LRP2: variants seen among roughly 807,000 people sequenced by gnomAD.
LRP2 encodes the protein low-density lipoprotein receptor-related protein 2.
A neutral mutation model predicts 531.0 loss-of-function variants in LRP2; 172 were observed. The observed-to-expected ratio is 0.32, with a 90% CI of 0.29 to 0.37. The LOEUF is 0.37. LRP2 is among the 10% of genes least tolerant of loss of function. The pLI is 1.00. For synonymous variants in LRP2, 1,992 were observed against 2,027.6 expected, an observed-to-expected ratio of 0.98 and a Z score of 0.47; for missense variants, 5,167 against 5,868.3, an observed-to-expected ratio of 0.88 and a Z score of 3.90.
At chr2:169,142,633 G>C in intron 71 of LRP2, 41 bp downstream of exon 71, 2 of 1,611,460 alleles carry the variant, frequency 1.2e-6, no homozygotes, top group Non-Finnish European at 1.7e-6. Context: ...CAGCAGAGGA[G>C]TGCTCCCAGG....
At position 169,158,767 on chromosome 2, in the gene LRP2, C is replaced by A. The variant is rs201198365; in HGVS notation, c.11888-1265G>T. Among the ~76,000 whole-genome samples, 4 of 151,370 alleles carry A rather than the reference C, an allele frequency of 2.6e-5. No individual in the cohort carries two copies. In the East Asian group the frequency reaches 7.7e-4, roughly 29 times the overall value. ...GCAAAAAAAAGATAGCAAAAGTACA[C>A]CAAACTTTAAAGGTTAGTTCTCTTT... is the stretch of plus-strand genomic sequence containing the variant. On this transcript the variant is annotated intron_variant, in intron 63 of 78. Coordinates refer to ENST00000649046, the MANE Select transcript of LRP2 (RefSeq NM_004525.3).
chr2:169,265,606 A>G (rs567017059), intron 16 of LRP2, among the ~76,000 whole-genome samples: 1 of 152,204 alleles, frequency 6.6e-6, no homozygotes, highest in South Asian at 2.1e-4. Context: ...ATTAGACGTC[A>G]CTAGAGCAAT....
Position 169,191,985 on chromosome 2 carries a change from G to A in LRP2, c.8879C>T (p.Pro2960Leu), listed in dbSNP as rs1461997028. The A allele has an allele frequency of 1.2e-6, 2 of 1,613,964 alleles. No homozygotes were observed. Among genetic ancestry groups the A allele is most frequent in the East Asian group, 2.2e-5 (1 of 44,898 alleles). The change falls in exon 48 of 79, where the codon CCT becomes CTT. Residue 2960 changes from proline to leucine, a missense_variant. By Grantham distance (98) the Pro-to-Leu change is moderately conservative (BLOSUM62 -3). Around this residue, in one of 6 missense-constraint regions of LRP2, gnomAD observed 1,129 missense variants for 1,362.7 expected, o/e 0.83. Transcript: ENST00000649046. ...CTGGGGAATGCACCTCCTGTCCGGA[G>A]GTCTGTCATTTACACAGAGAAACTC... ...DSEFLCVNDR[P>L]PDRRCIPQSW...
At chr2:169,272,562 G>A (rs1186926890) in intron 15 of LRP2, among the ~76,000 whole-genome samples, 1 of 152,062 alleles carries the variant, frequency 6.6e-6, no homozygotes, top group African/African-American at 2.4e-5. Context: ...AACATCTAAA[G>A]TGGAAAAGGT....
At chr2:169,336,474 A>T (rs2105548383) in intron 1 of LRP2, among the ~76,000 whole-genome samples, 1 of 152,216 alleles carries the variant, frequency 6.6e-6, no homozygotes, top group South Asian at 2.1e-4. Context: ...CAGGAGGCAG[A>T]GGCTGCAGTG....
chr2:169,176,428 C>T lies in LRP2; in HGVS notation c.10554G>A (p.Leu3518=). The change falls in exon 54 of 79, where the codon CTG becomes CTA. Residue 3518 remains leucine, a synonymous_variant. Coordinates refer to ENST00000649046, the MANE Select transcript of LRP2 (RefSeq NM_004525.3). The part of the protein sequence containing the change: ...CMPMCSSTQF[L]CANNEKCIPI... ...AGCCTTACTTTTCATTGTTAGCGCA[C>T]AGGAACTGGGTGCTGGAGCACATGG... 1 of 1,614,146 alleles carries T rather than the reference C, an allele frequency of 6.2e-7. No individual in the cohort carries two copies. Among genetic ancestry groups the T allele is most frequent in the Non-Finnish European group, 8.5e-7 (1 of 1,180,032 alleles).
chr2:169,194,023 G>T (rs1687920180), intron 46 of LRP2, 131 bp from the exon 47 acceptor site: 2 of 974,842 alleles, frequency 2.1e-6, no homozygotes, highest in East Asian at 5.2e-5. Context: ...TACATCTAGG[G>T]TAGTCCTCCA....
intron 1 of LRP2, among the ~76,000 whole-genome samples, chr2:169,336,962 A>G (rs1685422336): frequency 6.6e-6 from 1 of 152,196 alleles, no homozygotes; most frequent in Admixed American, 6.5e-5. Context: ...GGGAAAAGCA[A>G]CTTAAACTTA....
At chr2:169,273,763 C>T (rs1035075753) in intron 14 of LRP2, among the ~76,000 whole-genome samples, 32 of 152,110 alleles carry the variant, frequency 2.1e-4, no homozygotes, top group African/African-American at 7.7e-4. Context: ...AAAATATTCT[C>T]TTTATCTTCT....
At chr2:169,317,963 G>C (rs1042382482) in intron 3 of LRP2, among the ~76,000 whole-genome samples, 2 of 152,098 alleles carry the variant, frequency 1.3e-5, no homozygotes, top group Non-Finnish European at 2.9e-5. Flanking sequence ...TATAGTCCCA[G>C]CTACTCAGGA....
At chr2:169,150,549 A>G (rs1574074041) in intron 68 of LRP2, among the ~76,000 whole-genome samples, 7 of 152,320 alleles carry the variant, frequency 4.6e-5, no homozygotes, top group Admixed American at 4.6e-4. Flanking sequence ...TCAATGAATG[A>G]GTTACTTTAA....
intron 24 of LRP2, 117 bp from the exon 25 acceptor site, chr2:169,241,482 A>G: frequency 9.5e-7 from 1 of 1,057,580 alleles, no homozygotes; most frequent in African/African-American, 1.5e-5. Context: ...AACAACTATG[A>G]CCAAATTAAT....
At chr2:169,274,905 G>T in intron 14 of LRP2, 131 bp downstream of exon 14, 1 of 857,742 alleles carries the variant, frequency 1.2e-6, no homozygotes, top group East Asian at 2.6e-5. Context: ...TAACACTCTG[G>T]GTAACCCTTC....
chr2:169,171,323 G>T (rs936654421), intron 58 of LRP2, among the ~76,000 whole-genome samples: 1 of 152,068 alleles, frequency 6.6e-6, no homozygotes, highest in Non-Finnish European at 1.5e-5. Flanking sequence ...CATATCATGG[G>T]TCAGTGATAT....
chr2:169,149,268 C>T (rs1686036664), intron 68 of LRP2, among the ~76,000 whole-genome samples: 1 of 152,178 alleles, frequency 6.6e-6, no homozygotes, highest in Non-Finnish European at 1.5e-5. Context: ...ATTGCTGTTG[C>T]TGGTATTATC....
chr2:169,162,991 C>T (rs894977489), intron 62 of LRP2, among the ~76,000 whole-genome samples: 2 of 152,178 alleles, frequency 1.3e-5, no homozygotes, highest in African/African-American at 2.4e-5. Context: ...ATGCTGGTTG[C>T]AACAGCTAGT....
rs377395203 is a variant in LRP2, at chr2:169,159,120, T to G, written c.11888-1618A>C. Among the ~76,000 whole-genome samples, 4 of 152,256 alleles carry G rather than the reference T, an allele frequency of 2.6e-5. 1 individual carries two copies. ...AAAAACTGGCGAAGATGAACATAGA[T>G]AGTGAGTGATAATGGGGGAAAGAGA... is the stretch of plus-strand genomic sequence containing the variant. On this transcript the variant is annotated intron_variant, in intron 63 of 78. Coordinates refer to ENST00000649046, the MANE Select transcript of LRP2 (RefSeq NM_004525.3).
chr2:169,326,697 C>T (rs1685071701), intron 1 of LRP2, among the ~76,000 whole-genome samples: 1 of 151,064 alleles, frequency 6.6e-6, no homozygotes, highest in Non-Finnish European at 1.5e-5. Flanking sequence ...ACGTGAGGAG[C>T]CCCTCTGCCT....
rs372489746 is a variant in LRP2, at chr2:169,170,945, G to A, written c.11264-278C>T. On this transcript the variant is annotated intron_variant, in intron 58 of 78. Coordinates refer to ENST00000649046, the MANE Select transcript of LRP2 (RefSeq NM_004525.3). ...TGTTTTTTTTTTTTTTTTTTTTTTT[G>A]AAACAGGATCTTTCAACATTGCCCA... Among the ~76,000 whole-genome samples the A allele has an allele frequency of 2.5e-3, 61 of 23,988 alleles. 2 individuals carry two copies. The East Asian group carries it at 0.039, about 15-fold the overall frequency. The allele number at this position is 23,988 out of a possible 152,430, so 15.7% of individuals were successfully genotyped here. A position where few individuals can be genotyped will look rare whatever the true frequency, so the allele number is the denominator to read the frequency against.
Sources: gnomAD v4.1 joint callset for allele counts (sites outside exome capture counted in the v4.1 genomes callset) on GRCh38, gnomAD v4.1.1 for gene constraint, gnomAD v4.1.1 regional missense constraint, MANE v1.5 for transcripts, NCBI Gene and HGNC (gene_info 2026-07-23, HGNC 2026-07-21) for gene names.